The following DOK6 variants were observed in gnomAD, a reference collection of about 807,000 sequenced individuals.
DOK6 encodes downstream of tyrosine kinase 6.
Under a neutral mutation model 44.0 loss-of-function variants are expected in DOK6, and 22 were observed. The observed-to-expected ratio is 0.50, with a 90% CI of 0.36 to 0.71. DOK6 has a LOEUF of 0.71. Ranked by LOEUF, DOK6 falls within the 30% of genes least tolerant of loss-of-function variation. DOK6 has a pLI of 0.00. For synonymous variants in DOK6, 166 were observed against 145.5 expected (o/e 1.14, Z -1.01); for missense variants, 340 against 416.4 (o/e 0.82, Z 1.60).
intron 1 of DOK6, among the ~76,000 whole-genome samples, chr18:69,492,298 TAGAC>T (rs1397891055): frequency 6.6e-6 from 1 of 152,200 alleles, no homozygotes; most frequent in East Asian, 1.9e-4. Flanking sequence ...GTCACCTTCT[TAGAC>T]AGCAAAGAAC....
At chr18:69,558,463 C>A (rs1216792615) in intron 1 of DOK6, among the ~76,000 whole-genome samples, 1 of 151,910 alleles carries the variant, frequency 6.6e-6, no homozygotes, top group East Asian at 1.9e-4. Context: ...TGGAACTCTG[C>A]ATTTATTAAA....
At chr18:69,613,583 C>T (rs1599222491) in intron 3 of DOK6, among the ~76,000 whole-genome samples, 2 of 151,892 alleles carry the variant, frequency 1.3e-5, no homozygotes, top group East Asian at 3.9e-4. Context: ...ATGAGCGGTT[C>T]TATTGAGGAT....
intron 2 of DOK6, among the ~76,000 whole-genome samples, chr18:69,587,770 A>AACACACACACACAC (rs138552349): frequency 0.22 from 32,080 of 148,910 alleles, 3,840 homozygotes; most frequent in Middle Eastern, 0.33. Context: ...TGTAAATTTA[A>AACACACACACACAC]ACACACACAC....
At position 69,434,112 on chromosome 18, in the gene DOK6, T is replaced by C. The variant is rs138025427; in HGVS notation, c.66+32802T>C. 1.6e-4 allele frequency among the ~76,000 whole-genome samples: 25 copies of C among 152,292 alleles called. No homozygotes were observed. In the East Asian group the frequency reaches 4.8e-3, roughly 29 times the overall value. Reference sequence around the variant, plus strand: ...CATAATTATGTGAGGTCAGGTTCAGTTTTGGTGTGAAAGCAATGAAAGTGT... The same window carrying C: ...CATAATTATGTGAGGTCAGGTTCAGCTTTGGTGTGAAAGCAATGAAAGTGT... On this transcript the variant is annotated intron_variant, in intron 1 of 7. Coordinates refer to ENST00000382713, the MANE Select transcript of DOK6 (RefSeq NM_152721.6).
chr18:69,623,669 A>C (rs575201832), intron 3 of DOK6, among the ~76,000 whole-genome samples: 1 of 152,310 alleles, frequency 6.6e-6, no homozygotes, highest in Admixed American at 6.5e-5. Flanking sequence ...ATTATTACTA[A>C]TATTTATTGA....
intron 1 of DOK6, among the ~76,000 whole-genome samples, chr18:69,491,122 A>T (rs1478661475): frequency 6.6e-6 from 1 of 152,192 alleles, no homozygotes; most frequent in African/African-American, 2.4e-5. Flanking sequence ...TGTTATCTAC[A>T]TTATCTACAA....
chr18:69,549,837 A>T (rs1300737448), intron 1 of DOK6, among the ~76,000 whole-genome samples: 2 of 148,638 alleles, frequency 1.3e-5, no homozygotes, highest in African/African-American at 4.9e-5. Context: ...AATTTATTAG[A>T]TTTATCTAAG....
chr18:69,501,905 A>T (rs539971664), intron 1 of DOK6, among the ~76,000 whole-genome samples: 193 of 152,258 alleles, frequency 1.3e-3, no homozygotes, highest in Non-Finnish European at 2.3e-3. Flanking sequence ...TGTTATTATG[A>T]TCACATCCTT....
chr18:69,409,277 A>T (rs374480691), intron 1 of DOK6, among the ~76,000 whole-genome samples: 2 of 152,188 alleles, frequency 1.3e-5, no homozygotes, highest in African/African-American at 4.8e-5. Flanking sequence ...TAAATTACCC[A>T]GTCTCTGGTA....
chr18:69,820,253 A>T (rs2145123301), intron 7 of DOK6, among the ~76,000 whole-genome samples: 1 of 152,330 alleles, frequency 6.6e-6, no homozygotes, highest in South Asian at 2.1e-4. Flanking sequence ...TAACACTAAT[A>T]CCCCAATCAC....
intron 3 of DOK6, among the ~76,000 whole-genome samples, chr18:69,616,383 G>A (rs1013913808): frequency 2.6e-5 from 4 of 151,880 alleles, no homozygotes; most frequent in Non-Finnish European, 4.4e-5. Context: ...TTTACACAAC[G>A]AAGCCCTAGC....
intron 1 of DOK6, among the ~76,000 whole-genome samples, chr18:69,481,020 A>C (rs1213129880): frequency 2.0e-5 from 3 of 152,066 alleles, no homozygotes; most frequent in Non-Finnish European, 4.4e-5. Context: ...CCCACATTCT[A>C]TTTAAATTCA....
chr18:69,763,121 T>C (rs1440121499), intron 7 of DOK6, among the ~76,000 whole-genome samples: 1 of 152,194 alleles, frequency 6.6e-6, no homozygotes, highest in East Asian at 1.9e-4. Context: ...TGTATTCTAG[T>C]AGTCTGGAAT....
intron 5 of DOK6, among the ~76,000 whole-genome samples, chr18:69,702,264 C>T (rs4525592): frequency 4.0e-5 from 6 of 150,998 alleles, no homozygotes; most frequent in Non-Finnish European, 8.9e-5. Context: ...ATCTGTCCTG[C>T]AAGTTTTTTA....
At chr18:69,449,099 G>C (rs2122454707) in intron 1 of DOK6, among the ~76,000 whole-genome samples, 2 of 152,322 alleles carry the variant, frequency 1.3e-5, no homozygotes, top group Middle Eastern at 6.8e-3. Context: ...TTTAGTAATT[G>C]ATAATCCTGA....
intron 3 of DOK6, among the ~76,000 whole-genome samples, chr18:69,653,145 T>C (rs1048715669): frequency 6.6e-6 from 1 of 152,080 alleles, no homozygotes; most frequent in African/African-American, 2.4e-5. Context: ...AGATTCAAGA[T>C]AGAAAGCCAC....
At chr18:69,694,058 CAAAAAAAAAAAAAAAAAAAAAAA>C (rs60662789) in intron 4 of DOK6, among the ~76,000 whole-genome samples, 1 of 61,980 alleles carries the variant, frequency 1.6e-5, no homozygotes, top group Non-Finnish European at 2.9e-5. Context: ...GACTCCGTGT[CAAAAAAAAAAAAAAAAAAAAAAA>C]AAAAAAAAAT....
intron 7 of DOK6, among the ~76,000 whole-genome samples, chr18:69,833,963 G>A (rs1005233144): frequency 8.5e-5 from 13 of 152,136 alleles, no homozygotes; most frequent in Admixed American, 6.5e-5. Flanking sequence ...GGAATATTAA[G>A]TAGTACAGCT....
intron 6 of DOK6, among the ~76,000 whole-genome samples, chr18:69,747,354 T>C (rs1275869437): frequency 1.3e-5 from 2 of 152,160 alleles, no homozygotes; most frequent in Non-Finnish European, 2.9e-5. Context: ...CAAATTAGCA[T>C]CAATGTTCAT....
Sources: gnomAD v4.1 joint callset for allele counts (sites outside exome capture counted in the v4.1 genomes callset) on GRCh38, gnomAD v4.1.1 for gene constraint, MANE v1.5 for transcripts, NCBI Gene and HGNC (gene_info 2026-07-23, HGNC 2026-07-21) for gene names.